Variants in PATE1 observed in about 807,000 individuals in gnomAD.
PATE1 encodes the protein prostate and testis expressed protein 1.
A neutral mutation model predicts 13.1 loss-of-function variants in PATE1; 21 were observed. The observed-to-expected ratio is 1.61, with a 90% CI of 1.14 to 2.31. The LOEUF (loss-of-function observed/expected upper bound fraction) is 2.31. Among genes scored for constraint, PATE1 ranks in the 30% most tolerant of loss-of-function variants. The pLI is 0.00. For missense variants in PATE1, 166 were observed against 147.2 expected (o/e 1.13, Z -0.66); for synonymous variants, 52 against 47.1 (o/e 1.10, Z -0.43).
Position 125,747,839 on chromosome 11 carries a change from G to C in PATE1, c.247+17G>C, listed in dbSNP as rs748642656. 6.2e-7 allele frequency: 1 copy of C among 1,613,464 alleles called. No individual in the cohort carries two copies. Among genetic ancestry groups the C allele is most frequent in the Admixed American group, 1.7e-5 (1 of 59,992 alleles). ...TGTTCAAAAGTAAGTTGTGGGTTGG[G>C]GAAAAGAAGAACGGGCAGAGGACGT... On this transcript the variant is annotated intron_variant, in intron 4 of 4. Transcript: ENST00000305738.
rs7939499 is a variant in PATE1, at chr11:125,748,836, T to C, written c.*103T>C. ...AAATCACACACACACACACACACAC[T>C]ACAGAAGAGGATTGCAAACACATGG... is the stretch of plus-strand genomic sequence containing the variant. On this transcript the variant is annotated 3_prime_UTR_variant, in exon 5 of 5. Transcript: ENST00000305738. 155,979 of 622,584 alleles carry C rather than the reference T, an allele frequency of 0.25. 8,616 individuals carry two copies. Among genetic ancestry groups the C allele is most frequent in the African/African-American group, 0.4 (9,829 of 24,482 alleles). 38.6% of individuals were successfully genotyped at this position (622,584 alleles called of 1,614,324 possible).
chr11:125,746,534 T>G, intron 1 of PATE1, 127 bp from the exon 2 acceptor site: 1 of 1,358,472 alleles, frequency 7.4e-7, no homozygotes, highest in Non-Finnish European at 1.0e-6. Flanking sequence ...ACTAAAGCTC[T>G]TCTCCCTTCC....
In PATE1 at chr11:125,748,627, T is replaced by C. The variant is rs1943301893; in HGVS notation, c.275T>C (p.Met92Thr). ...KRDGNPWLTF[M>T]GCLKNCADVK... The stretch of plus-strand genomic sequence containing the variant: ...GATGGTAATCCCTGGTTAACCTTCA[T>C]GGGCTGCCTAAAGAACTGTGCTGAT... The change falls in exon 5 of 5, where the codon ATG becomes ACG. Residue 92 changes from methionine (M) to threonine (T), a missense_variant. Physicochemically the swap from Met to Thr is moderately conservative, Grantham distance 81. Coordinates refer to ENST00000305738, the MANE Select transcript of PATE1 (RefSeq NM_138294.3). The C allele has an allele frequency of 6.2e-7, 1 of 1,613,892 alleles. No homozygotes were observed. The highest frequency in any genetic ancestry group is 2.2e-5 in the East Asian group (1 of 44,868).
At chr11:125,747,868 C>T (rs76255138) in intron 4 of PATE1, 46 bp downstream of exon 4, 128 of 1,611,218 alleles carry the variant, frequency 7.9e-5, no homozygotes, top group Non-Finnish European at 1.1e-4. Context: ...AGGACGTATA[C>T]AGGGACGTAT....
At chr11:125,748,318 T>C (rs190395520) in intron 4 of PATE1, among the ~76,000 whole-genome samples, 83 of 152,326 alleles carry the variant, frequency 5.4e-4, no homozygotes, top group African/African-American at 2.0e-3. Flanking sequence ...AACCCTCACT[T>C]GAACCAGTGT....
At position 125,748,707 on chromosome 11, in the gene PATE1, C is replaced by T; in HGVS notation, c.355C>T (p.His119Tyr). The T allele has an allele frequency of 6.2e-7, 1 of 1,613,848 alleles. No homozygotes were observed. ...GGTGAACTTCAGGTGCTGCAGGAGCCATGACCTGTGCAATGAAGACCTTTA... is the reference window on the plus strand; with the variant it reads ...GGTGAACTTCAGGTGCTGCAGGAGCTATGACCTGTGCAATGAAGACCTTTA... ...YLVNFRCCRS[H>Y]DLCNEDL The change falls in exon 5 of 5, where the codon CAT (histidine) becomes TAT (tyrosine). Residue 119 changes from histidine to tyrosine, a missense_variant. By Grantham distance (83) the His-to-Tyr change is moderately conservative. Coordinates refer to ENST00000305738, the MANE Select transcript of PATE1 (RefSeq NM_138294.3).
At chr11:125,748,262 T>G (rs532139395) in intron 4 of PATE1, among the ~76,000 whole-genome samples, 1 of 152,156 alleles carries the variant, frequency 6.6e-6, no homozygotes, top group African/African-American at 2.4e-5. Context: ...GACATCATGA[T>G]TTCTCTTTTT....
chr11:125,746,706 A>G lies in PATE1; in HGVS notation c.88+10A>G. ...ATGAGAAATGATGCAGGTGAGTAGGAATAGATAAGTGGTATGAGAAGGGGA... is the reference window on the plus strand; with the variant it reads ...ATGAGAAATGATGCAGGTGAGTAGGGATAGATAAGTGGTATGAGAAGGGGA... On this transcript the variant is annotated intron_variant, in intron 2 of 4. Coordinates refer to ENST00000305738, the MANE Select transcript of PATE1 (RefSeq NM_138294.3). 1 of 1,613,354 alleles carries G rather than the reference A, an allele frequency of 6.2e-7. No homozygotes were observed. The highest frequency in any genetic ancestry group is 1.1e-5 in the South Asian group (1 of 91,050).
Position 125,748,690 on chromosome 11 carries a change from T to G in PATE1, c.338T>G (p.Phe113Cys), listed in dbSNP as rs768665927. 2 of 1,613,898 alleles carry G rather than the reference T, an allele frequency of 1.2e-6. No homozygotes were observed. The highest frequency in any genetic ancestry group is 3.3e-5 in the Admixed American group (2 of 59,994). ...AGGTGGAGTGTCTATTTGGTGAACT[T>G]CAGGTGCTGCAGGAGCCATGACCTG... Reference protein sequence around the residue: ...GIRWSVYLVNFRCCRSHDLCN... With the variant: ...GIRWSVYLVNCRCCRSHDLCN... The change falls in exon 5 of 5, where the codon TTC (phenylalanine) becomes TGC (cysteine). Residue 113 changes from phenylalanine to cysteine, a missense_variant. Phe to Cys is a radical substitution (Grantham distance 205, BLOSUM62 -2). Transcript: ENST00000305738.
In PATE1 at chr11:125,746,361, G is replaced by A; in HGVS notation, c.52+5G>A. On this transcript the variant is annotated splice_donor_5th_base_variant and intron_variant, in intron 1 of 4. Transcript: ENST00000305738. ...TCCTGCTCTGCTGCTTTAGGGGTGAGTCCCTAGGGTTGACAGCTGGTAAGA... is the reference window on the plus strand; with the variant it reads ...TCCTGCTCTGCTGCTTTAGGGGTGAATCCCTAGGGTTGACAGCTGGTAAGA... 6.2e-7 allele frequency: 1 copy of A among 1,613,476 alleles called. No individual in the cohort carries two copies. Among genetic ancestry groups the A allele is most frequent in the Non-Finnish European group, 8.5e-7 (1 of 1,179,494 alleles).
In PATE1 at chr11:125,748,990, AC is replaced by A. The variant is rs199647225; in HGVS notation, c.*260del. ...CAATATATCCTGCAGGTTGCTACAAACCCTTGTGCTTTCACTGTATAGCCAG... is the reference window on the plus strand; with the variant it reads ...CAATATATCCTGCAGGTTGCTACAAACCTTGTGCTTTCACTGTATAGCCAG... On this transcript the variant is annotated 3_prime_UTR_variant, in exon 5 of 5. Coordinates refer to ENST00000305738, the MANE Select transcript of PATE1 (RefSeq NM_138294.3). The A allele has an allele frequency of 6.8e-4, 241 of 351,968 alleles. 3 individuals carry two copies. The East Asian group carries it at 8.7e-3, about 13-fold the overall frequency. 21.8% of individuals were successfully genotyped at this position (351,968 alleles called of 1,614,324 possible). A position where few individuals can be genotyped will look rare whatever the true frequency, so the allele number is the denominator to read the frequency against.
At chr11:125,748,201 G>A (rs73024021) in intron 4 of PATE1, among the ~76,000 whole-genome samples, 14,454 of 152,214 alleles carry the variant, frequency 0.095, 815 homozygotes, top group East Asian at 0.21. Context: ...AAATAGAAGG[G>A]CCAGTGTCAT....
chr11:125,747,470 T>C, intron 3 of PATE1, 59 bp downstream of exon 3: 2 of 1,446,516 alleles, frequency 1.4e-6, no homozygotes, highest in Admixed American at 2.1e-5. Flanking sequence ...CACTTTTCCT[T>C]ATTCCTCCAC....
Position 125,748,062 on chromosome 11 carries a change from A to G in PATE1, c.247+240A>G. The G allele has an allele frequency of 9.5e-6, 5 of 525,740 alleles. No homozygotes were observed. In the South Asian group the frequency reaches 1.1e-4, roughly 12 times the overall value. The allele number at this position is 525,740 out of a possible 1,614,324, so 32.6% of individuals were successfully genotyped here. Reference sequence around the variant, plus strand: ...TTGAGAAGCCTGAAGAAAACAGAGGAGAATAAATCAAGGTAAGAGAATAGG... The same window carrying G: ...TTGAGAAGCCTGAAGAAAACAGAGGGGAATAAATCAAGGTAAGAGAATAGG... On this transcript the variant is annotated intron_variant, in intron 4 of 4. Transcript: ENST00000305738.
At chr11:125,746,782 A>G in intron 2 of PATE1, 86 bp downstream of exon 2, 1 of 1,405,770 alleles carries the variant, frequency 7.1e-7, no homozygotes, top group Non-Finnish European at 1.0e-6. Context: ...CAGGGGCCAA[A>G]AAAAACCAAA....
rs756591480 is a variant in PATE1, at chr11:125,748,625, C to A, written c.273C>A (p.Phe91Leu). The A allele has an allele frequency of 1.2e-6, 2 of 1,613,740 alleles. No individual in the cohort carries two copies. Among genetic ancestry groups the A allele is most frequent in the Non-Finnish European group, 1.7e-6 (2 of 1,179,884 alleles). The change falls in exon 5 of 5, where the codon TTC (phenylalanine) becomes TTA (leucine). Residue 91 changes from phenylalanine to leucine, a missense_variant. Phe to Leu is a conservative substitution (Grantham distance 22, BLOSUM62 0). Transcript: ENST00000305738. ...GGGATGGTAATCCCTGGTTAACCTTCATGGGCTGCCTAAAGAACTGTGCTG... is the reference window on the plus strand; with the variant it reads ...GGGATGGTAATCCCTGGTTAACCTTAATGGGCTGCCTAAAGAACTGTGCTG... ...FKRDGNPWLT[F>L]MGCLKNCADV...
At chr11:125,748,084 T>C (rs1248727053) in intron 4 of PATE1, 2 of 466,532 alleles carry the variant, frequency 4.3e-6, no homozygotes, top group African/African-American at 4.0e-5. Flanking sequence ...GGTAAGAGAA[T>C]AGGTGTAATC....
Position 125,746,715 on chromosome 11 carries a change from G to C in PATE1, c.88+19G>C. The C allele has an allele frequency of 6.2e-7, 1 of 1,613,238 alleles. No individual in the cohort carries two copies. Among genetic ancestry groups the C allele is most frequent in the Non-Finnish European group, 8.5e-7 (1 of 1,179,340 alleles). ...GATGCAGGTGAGTAGGAATAGATAA[G>C]TGGTATGAGAAGGGGAAGGTCTGAG... On this transcript the variant is annotated intron_variant, in intron 2 of 4. Transcript: ENST00000305738.
At position 125,747,404 on chromosome 11, in the gene PATE1, T is replaced by C; in HGVS notation, c.117T>C (p.Asn39=). The C allele has an allele frequency of 6.2e-7, 1 of 1,612,538 alleles. No individual in the cohort carries two copies. Residue 39 remains asparagine, a synonymous_variant, in exon 3 of 5, where the codon AAT becomes AAC. Transcript: ENST00000305738. ...ATGAAATAGTTGCTGTGAAAAACAA[T>C]TTTCCTGGTAAGTATGAAGAGGACC... ...AVNEIVAVKN[N]FPVIEIVQCR... is the part of the protein sequence containing the mutation.
Sources: allele counts gnomAD v4.1 joint callset (sites outside exome capture counted in the v4.1 genomes callset), GRCh38; gene constraint gnomAD v4.1.1; transcripts MANE v1.5; gene names NCBI Gene and HGNC (gene_info 2026-07-23, HGNC 2026-07-21).